The following UBR4 variants were observed in gnomAD, a reference collection of about 807,000 sequenced individuals.
UBR4 encodes the protein ubiquitin protein ligase E3 component n-recognin 4.
In UBR4, 124 loss-of-function variants were observed where a neutral mutation model predicts 575.6. The observed-to-expected ratio is 0.22, with a 90% confidence interval of 0.19 to 0.25. UBR4 has a LOEUF of 0.25. UBR4 is among the 10% of genes least tolerant of loss of function. UBR4 has a pLI of 1.00. For missense variants in UBR4, 4,818 were observed against 6,478.8 expected (o/e 0.74, Z 8.80); for synonymous variants, 2,455 against 2,473.7 (o/e 0.99, Z 0.22).
intron 81 of UBR4, among the ~76,000 whole-genome samples, chr1:19,109,391 T>C (rs1049066101): frequency 6.6e-6 from 1 of 152,224 alleles, no homozygotes; most frequent in Admixed American, 6.5e-5. Context: ...TGTTATACCA[T>C]CCTATATACT....
chr1:19,121,867 A>G, intron 67 of UBR4, 67 bp downstream of exon 67: 1 of 1,561,248 alleles, frequency 6.4e-7, no homozygotes, highest in Non-Finnish European at 8.8e-7. Flanking sequence ...AGTGCTTGGC[A>G]TATAGTAGGC....
intron 77 of UBR4, chr1:19,113,146 A>G (rs2080087727): frequency 2.5e-6 from 1 of 402,132 alleles, no homozygotes; most frequent in Admixed American, 4.4e-5. Context: ...AAAGGTCAGA[A>G]GCTAATACAC....
intron 1 of UBR4, among the ~76,000 whole-genome samples, chr1:19,204,873 A>G (rs1483316034): frequency 2.0e-5 from 3 of 152,226 alleles, no homozygotes; most frequent in African/African-American, 7.2e-5. Context: ...ATGTGCTGCC[A>G]TAATTTCCAA....
At chr1:19,171,628 G>A (rs1016593376) in intron 25 of UBR4, among the ~76,000 whole-genome samples, 1 of 152,120 alleles carries the variant, frequency 6.6e-6, no homozygotes, top group Admixed American at 6.5e-5. Context: ...ATCACCTGAG[G>A]TCGGGAGTTC....
Position 19,088,192 on chromosome 1 carries a change from C to T in UBR4, c.14431-263G>A, listed in dbSNP as rs2077195524. 1.3e-5 allele frequency among the ~76,000 whole-genome samples: 2 copies of T among 152,238 alleles called. No homozygotes were observed. The highest frequency in any genetic ancestry group is 4.8e-5 in the African/African-American group (2 of 41,460). ...TGCCACCTGCCATCAGAAAAGCCCCCTTTCTTCATGCCAGCATCTTCGTGC... is the reference window on the plus strand; with the variant it reads ...TGCCACCTGCCATCAGAAAAGCCCCTTTTCTTCATGCCAGCATCTTCGTGC... On this transcript the variant is annotated intron_variant, in intron 98 of 105. Coordinates refer to ENST00000375254, the MANE Select transcript of UBR4 (RefSeq NM_020765.3). The surrounding 1 kb of genome is among the most constrained non-coding windows in gnomAD (Gnocchi z 4.0).
At position 19,100,600 on chromosome 1, in the gene UBR4, A is replaced by T. The variant is rs752268018; in HGVS notation, c.13024-27T>A. 1.2e-6 allele frequency: 2 copies of T among 1,610,510 alleles called. No individual in the cohort carries two copies. The highest frequency in any genetic ancestry group is 2.2e-5 in the South Asian group (2 of 90,994). On this transcript the variant is annotated intron_variant, in intron 88 of 105. Coordinates refer to ENST00000375254, the MANE Select transcript of UBR4 (RefSeq NM_020765.3). This position sits in a 1 kb window ranked among gnomAD's most constrained non-coding sequence, Gnocchi z 4.2. Reference sequence around the variant, plus strand: ...TGGAGGACAGACAGAAGGGTGCATCAGAAGGGATGGCAGAGGTGGAGATTT... The same window carrying T: ...TGGAGGACAGACAGAAGGGTGCATCTGAAGGGATGGCAGAGGTGGAGATTT...
intron 60 of UBR4, among the ~76,000 whole-genome samples, chr1:19,136,084 A>G (rs2083171827): frequency 6.6e-6 from 1 of 152,346 alleles, no homozygotes; most frequent in East Asian, 1.9e-4. Context: ...ACAAAATTTT[A>G]TACCCATCAA....
chr1:19,191,728 A>C (rs1218547050), intron 11 of UBR4, among the ~76,000 whole-genome samples: 1 of 152,194 alleles, frequency 6.6e-6, no homozygotes, highest in Admixed American at 6.5e-5. Flanking sequence ...CTGGGCTTAG[A>C]AAACGAAACC....
chr1:19,145,218 A>G (rs1319714196), intron 53 of UBR4, among the ~76,000 whole-genome samples: 1 of 152,228 alleles, frequency 6.6e-6, no homozygotes, highest in Non-Finnish European at 1.5e-5. Context: ...GAAGGCAGAT[A>G]CTAAATGTTC....
intron 73 of UBR4, among the ~76,000 whole-genome samples, chr1:19,116,244 C>T (rs939409962): frequency 6.6e-6 from 1 of 152,210 alleles, no homozygotes; most frequent in African/African-American, 2.4e-5. Context: ...TTTATAGTTA[C>T]AGAAACTGAG....
intron 22 of UBR4, 61 bp from the exon 23 acceptor site, chr1:19,173,682 AG>A (rs1348040724): frequency 1.3e-6 from 2 of 1,489,892 alleles, no homozygotes; most frequent in Non-Finnish European, 9.3e-7. Flanking sequence ...TCTCCCTCAC[AG>A]TACGAACTAC....
chr1:19,203,311 G>GTCT (rs2092839815), intron 1 of UBR4, among the ~76,000 whole-genome samples: 1 of 151,886 alleles, frequency 6.6e-6, no homozygotes, highest in Non-Finnish European at 1.5e-5. Flanking sequence ...GACCAGCCTG[G>GTCT]CCAATATGGT....
At chr1:19,186,981 C>T (rs1048188348) in intron 13 of UBR4, among the ~76,000 whole-genome samples, 183 bp downstream of exon 13, 4 of 151,594 alleles carry the variant, frequency 2.6e-5, no homozygotes, top group African/African-American at 7.3e-5. Context: ...AGATTCAACC[C>T]GCTAAGAATT....
intron 61 of UBR4, 126 bp downstream of exon 61, chr1:19,128,852 T>C (rs2082105497): frequency 5.1e-6 from 4 of 783,520 alleles, no homozygotes; most frequent in Non-Finnish European, 8.4e-6. Context: ...GCTCAAAAAT[T>C]AGATTTCATT....
Position 19,093,986 on chromosome 1 carries a change from A to C in UBR4, c.13900T>G (p.Leu4634Val), listed in dbSNP as rs748990893. 1 of 1,614,146 alleles carries C rather than the reference A, an allele frequency of 6.2e-7. No homozygotes were observed. The highest frequency in any genetic ancestry group is 1.1e-5 in the South Asian group (1 of 91,066). Residue 4634 changes from leucine to valine, a missense_variant, in exon 95 of 106, where the codon TTG becomes GTG. Around this residue, in one of 29 missense-constraint regions of UBR4, gnomAD observed 165 missense variants for 282.3 expected, o/e 0.58. Coordinates refer to ENST00000375254, the MANE Select transcript of UBR4 (RefSeq NM_020765.3). This position sits in a 1 kb window ranked among gnomAD's most constrained non-coding sequence, Gnocchi z 4.8. Reference sequence around the variant, plus strand: ...CAGTATGGTTTGAATCGCTCCACCAAGATCTGCATTTTCTCCACCTCTCCA... The same window carrying C: ...CAGTATGGTTTGAATCGCTCCACCACGATCTGCATTTTCTCCACCTCTCCA... ...SFGEVEKMQI[L>V]VERFKPYCNF...
At chr1:19,121,563 C>A in intron 67 of UBR4, 129 bp from the exon 68 acceptor site, 6 of 1,211,336 alleles carry the variant, frequency 5.0e-6, no homozygotes, top group Middle Eastern at 2.8e-4. Context: ...GTTCTCTCTG[C>A]TGGACATTGT....
At chr1:19,116,131 A>G (rs986105050) in intron 73 of UBR4, among the ~76,000 whole-genome samples, 1 of 152,256 alleles carries the variant, frequency 6.6e-6, no homozygotes, top group Admixed American at 6.5e-5. Context: ...AATGAGAGCT[A>G]ATATTTACTG....
In UBR4 at chr1:19,114,959, CA is replaced by C. The variant is rs1157984497; in HGVS notation, c.11064-11del. On this transcript the variant is annotated splice_polypyrimidine_tract_variant and intron_variant, in intron 74 of 105. Transcript: ENST00000375254. ...ATCGTAGTTGATGGATCTGAGTAAC[CA>C]AAGCGTTTGGGTCAGTAAGGTGACA... The C allele has an allele frequency of 6.2e-7, 1 of 1,614,096 alleles. No homozygotes were observed. The highest frequency in any genetic ancestry group is 1.1e-5 in the South Asian group (1 of 91,066).
In UBR4 at chr1:19,176,684, C is replaced by A. The variant is rs143130698; in HGVS notation, c.2681G>T (p.Gly894Val). 4.8e-4 allele frequency: 777 copies of A among 1,614,080 alleles called. No homozygotes were observed. Among genetic ancestry groups the A allele is most frequent in the African/African-American group, 3.6e-3 (270 of 75,028 alleles). Residue 894 changes from glycine to valine, a missense_variant, in exon 20 of 106, where the codon GGA (glycine) becomes GTA (valine). Gly to Val is a moderately radical substitution (Grantham distance 109). Transcript: ENST00000375254. Reference sequence around the variant, plus strand: ...CCGGCGGCTGTTGCTGTCCTGGGATCCACTTGCCCACCCAAAGGGAGGACT... The same window carrying A: ...CCGGCGGCTGTTGCTGTCCTGGGATACACTTGCCCACCCAAAGGGAGGACT... ...LLSPPFGWAS[G>V]SQDSNSRRAT...
Sources: gnomAD v4.1 joint callset for allele counts (sites outside exome capture counted in the v4.1 genomes callset) on GRCh38, gnomAD v4.1.1 for gene constraint, gnomAD v4.1.1 regional missense constraint, Gnocchi (gnomAD v3.1) non-coding constraint, MANE v1.5 for transcripts, NCBI Gene and HGNC (gene_info 2026-07-23, HGNC 2026-07-21) for gene names.